UBTD1: variants seen among roughly 807,000 people sequenced by gnomAD.
UBTD1 encodes the protein ubiquitin domain-containing protein 1.
In UBTD1, 19 loss-of-function variants were observed where a neutral mutation model predicts 21.7. The ratio of observed to expected loss-of-function variants is 0.87; its 90% CI spans 0.61 to 1.28. UBTD1 has a LOEUF of 1.28. Ranked by LOEUF, UBTD1 falls within the 50% of genes most tolerant of loss-of-function variation. The probability of loss-of-function intolerance (pLI) is 0.00; values close to 1 mark genes in which losing one functional copy is unlikely to be tolerated. For synonymous variants in UBTD1, 116 were observed against 135.1 expected, an observed-to-expected ratio of 0.86 and a Z score of 0.98; for missense variants, 282 against 315.1, an observed-to-expected ratio of 0.89 and a Z score of 0.80.
chr10:97,536,961 G>A (rs1255833049), intron 1 of UBTD1, among the ~76,000 whole-genome samples: 1 of 152,088 alleles, frequency 6.6e-6, no homozygotes, highest in Non-Finnish European at 1.5e-5. Flanking sequence ...GCTGACCTTC[G>A]GAGAGGTACA....
intron 1 of UBTD1, among the ~76,000 whole-genome samples, chr10:97,539,693 T>C (rs1382810636): frequency 1.3e-5 from 2 of 152,198 alleles, no homozygotes; most frequent in East Asian, 1.9e-4. Context: ...CAAGCCTTTC[T>C]TGGGGGAGGG....
At chr10:97,535,968 A>AATTACTATTATTATT (rs2040558212) in intron 1 of UBTD1, among the ~76,000 whole-genome samples, 3 of 90,164 alleles carry the variant, frequency 3.3e-5, no homozygotes, top group Admixed American at 1.2e-4. Context: ...GTTGGAGAGA[A>AATTACTATTATTATT]ATTATTATTA....
rs1348477147 is a variant in UBTD1, at chr10:97,499,030, C to T, written c.-174C>T. Reference sequence around the variant, plus strand: ...GGGAGTCTGCCACTTCCCTCTCTCCCCTGGCCCGCAAAGTTTTGGCGGAGC... The same window carrying T: ...GGGAGTCTGCCACTTCCCTCTCTCCTCTGGCCCGCAAAGTTTTGGCGGAGC... On this transcript the variant is annotated 5_prime_UTR_variant, in exon 1 of 3. Transcript: ENST00000370664. 4.2e-6 allele frequency: 3 copies of T among 710,346 alleles called. No homozygotes were observed. The highest frequency in any genetic ancestry group is 4.4e-6 in the Non-Finnish European group (2 of 452,608). 44.0% of individuals were successfully genotyped at this position (710,346 alleles called of 1,614,324 possible). A position where few individuals can be genotyped will look rare whatever the true frequency, so the allele number is the denominator to read the frequency against.
chr10:97,499,488 ACT>A (rs1464034287), intron 1 of UBTD1, among the ~76,000 whole-genome samples: 2 of 150,896 alleles, frequency 1.3e-5, no homozygotes, highest in African/African-American at 2.4e-5. Flanking sequence ...TGCGCGACCA[ACT>A]CTCTCCAACT....
At position 97,567,909 on chromosome 10, in the gene UBTD1, C is replaced by CCCAGGA; in HGVS notation, c.71-3_73dup. 2 of 1,614,018 alleles carry CCCAGGA rather than the reference C, an allele frequency of 1.2e-6. No individual in the cohort carries two copies. Among genetic ancestry groups the CCCAGGA allele is most frequent in the Admixed American group, 1.7e-5 (1 of 60,014 alleles). ...ATGCTGAGCCTCTCCTTCTGTCCTG[C>CCCAGGA]CCAGGACGCAATGAGCCCCTGAAGA... is the stretch of plus-strand genomic sequence containing the variant. On this transcript the variant is annotated splice_polypyrimidine_tract_variant and splice_region_variant and intron_variant, in intron 1 of 2. Coordinates refer to ENST00000370664, the MANE Select transcript of UBTD1 (RefSeq NM_024954.5).
intron 1 of UBTD1, among the ~76,000 whole-genome samples, chr10:97,543,186 G>A (rs2040594151): frequency 6.6e-6 from 1 of 152,246 alleles, no homozygotes; most frequent in Admixed American, 6.5e-5. Flanking sequence ...AGAGACACTT[G>A]GGGAGAGCGG....
chr10:97,554,318 G>A (rs2040654051), intron 1 of UBTD1, among the ~76,000 whole-genome samples: 1 of 144,706 alleles, frequency 6.9e-6, no homozygotes, highest in Non-Finnish European at 1.5e-5. Flanking sequence ...CATGATCTCA[G>A]CTCACTGCTA....
chr10:97,565,186 C>T lies in UBTD1; in HGVS notation c.71-2728C>T, dbSNP rs1321400304. ...AGAATAAATCTCTTCAAATATTTTA[C>T]GGGGTTTGGCTTTTTTTGTCCAACA... is the stretch of plus-strand genomic sequence containing the variant. On this transcript the variant is annotated intron_variant, in intron 1 of 2. Transcript: ENST00000370664. 1.3e-5 allele frequency among the ~76,000 whole-genome samples: 2 copies of T among 152,208 alleles called. 1 individual carries two copies. Among genetic ancestry groups the T allele is most frequent in the South Asian group, 4.1e-4 (2 of 4,820 alleles).
chr10:97,533,962 C>T (rs1478665270), intron 1 of UBTD1, among the ~76,000 whole-genome samples: 2 of 152,108 alleles, frequency 1.3e-5, no homozygotes, highest in Non-Finnish European at 2.9e-5. Flanking sequence ...TCATCAGACT[C>T]GCCTTGGGAG....
chr10:97,511,800 CAT>C (rs1027936659), intron 1 of UBTD1, among the ~76,000 whole-genome samples: 2 of 152,176 alleles, frequency 1.3e-5, no homozygotes, highest in Admixed American at 1.3e-4. Flanking sequence ...AATCTCCTAC[CAT>C]GTGTGTGGTA....
chr10:97,519,051 G>A lies in UBTD1; in HGVS notation c.70+19778G>A, dbSNP rs145974572. Among the ~76,000 whole-genome samples, 324 of 152,310 alleles carry A rather than the reference G, an allele frequency of 2.1e-3. No homozygotes were observed. The Middle Eastern group carries it at 0.024, about 11-fold the overall frequency. On this transcript the variant is annotated intron_variant, in intron 1 of 2. Transcript: ENST00000370664. Reference sequence around the variant, plus strand: ...AACCTGTATCAGTCTGACTCCCAGGGCACTCTCCTAATCACTAGAGGAGGA... The same window carrying A: ...AACCTGTATCAGTCTGACTCCCAGGACACTCTCCTAATCACTAGAGGAGGA...
intron 1 of UBTD1, among the ~76,000 whole-genome samples, chr10:97,541,557 T>C (rs1296705724): frequency 6.6e-6 from 1 of 152,020 alleles, no homozygotes; most frequent in South Asian, 2.1e-4. Context: ...ATTTTCAAGC[T>C]CCTACTGTGT....
At chr10:97,505,000 C>T (rs542568086) in intron 1 of UBTD1, among the ~76,000 whole-genome samples, 2 of 152,258 alleles carry the variant, frequency 1.3e-5, no homozygotes, top group Admixed American at 6.5e-5. Context: ...GCAGTAGCAC[C>T]TTCTTGCCAT....
intron 1 of UBTD1, among the ~76,000 whole-genome samples, chr10:97,557,065 A>C (rs1454595143): frequency 1.3e-5 from 2 of 152,224 alleles, no homozygotes; most frequent in East Asian, 3.8e-4. Flanking sequence ...TTCATCAGGA[A>C]CTGGGTCTGT....
chr10:97,545,092 T>C (rs1164511642), intron 1 of UBTD1, among the ~76,000 whole-genome samples: 1 of 151,730 alleles, frequency 6.6e-6, no homozygotes. Flanking sequence ...TCTAGCACTT[T>C]GGGAGGCTGA....
intron 1 of UBTD1, among the ~76,000 whole-genome samples, chr10:97,550,894 C>T (rs1310672426): frequency 6.6e-6 from 1 of 152,180 alleles, no homozygotes; most frequent in African/African-American, 2.4e-5. Flanking sequence ...ACCACAGCAT[C>T]CACCATCATT....
intron 1 of UBTD1, among the ~76,000 whole-genome samples, chr10:97,567,018 T>G (rs1414245345): frequency 6.6e-6 from 1 of 152,128 alleles, no homozygotes; most frequent in Non-Finnish European, 1.5e-5. Context: ...TGGTCATGAT[T>G]GCTTAAAAAA....
intron 1 of UBTD1, among the ~76,000 whole-genome samples, chr10:97,539,595 A>C (rs540208731): frequency 1.6e-3 from 235 of 144,944 alleles, no homozygotes; most frequent in Non-Finnish European, 3.1e-3. Context: ...GCCCCATTTC[A>C]AAAAAAAAAA....
chr10:97,550,587 A>G (rs1212194582), intron 1 of UBTD1, among the ~76,000 whole-genome samples: 1 of 152,136 alleles, frequency 6.6e-6, no homozygotes, highest in Non-Finnish European at 1.5e-5. Context: ...TTCAGCAGGT[A>G]CTTGCTGAGA....
Sources: gnomAD v4.1 joint callset for allele counts (sites outside exome capture counted in the v4.1 genomes callset) on GRCh38, gnomAD v4.1.1 for gene constraint, MANE v1.5 for transcripts, NCBI Gene and HGNC (gene_info 2026-07-23, HGNC 2026-07-21) for gene names.